Variants in MRPL48 observed in about 807,000 individuals in gnomAD.
The protein encoded by MRPL48 is mitochondrial ribosomal protein L48.
Under a neutral mutation model 32.9 loss-of-function variants are expected in MRPL48, and 16 were observed. The observed-to-expected ratio is 0.49, with a 90% CI of 0.33 to 0.74. MRPL48 has a LOEUF of 0.74. Among genes scored for constraint, MRPL48 ranks in the 30% least tolerant of loss-of-function variants. The pLI is 0.02. For synonymous variants in MRPL48, 94 were observed against 89.2 expected (o/e 1.05, Z -0.31); for missense variants, 206 against 245.3 (o/e 0.84, Z 1.07).
chr11:73,854,347 G>A (rs58695771), intron 5 of MRPL48, among the ~76,000 whole-genome samples: 19,665 of 152,136 alleles, frequency 0.13, 1,705 homozygotes, highest in African/African-American at 0.24. Context: ...GCCGTGGCAC[G>A]ATCTCGGCTC....
chr11:73,858,157 C>T (rs1180292111), intron 5 of MRPL48, among the ~76,000 whole-genome samples: 1 of 152,158 alleles, frequency 6.6e-6, no homozygotes, highest in Non-Finnish European at 1.5e-5. Context: ...ATGATTGTAT[C>T]CCCATTTTTT....
rs1475525862 is a variant in MRPL48 at position 73,841,363 on chromosome 11, C to A, written c.202-3444C>A. Among the ~76,000 whole-genome samples, 5 of 152,290 alleles carry A rather than the reference C, an allele frequency of 3.3e-5. No homozygotes were observed. In the South Asian group the frequency reaches 1.0e-3, roughly 32 times the overall value. ...CTAGAACATTGGTTGCACTACTATT[C>A]ATAACGGCCCCATACTGGAAATAAC... On this transcript the variant is annotated intron_variant, in intron 4 of 7. Transcript: ENST00000310614.
At chr11:73,797,933 T>C (rs1947288298) in intron 1 of MRPL48, among the ~76,000 whole-genome samples, 1 of 152,192 alleles carries the variant, frequency 6.6e-6, no homozygotes, top group African/African-American at 2.4e-5. Flanking sequence ...ATGGAAGTGC[T>C]GATATTCAAA....
intron 3 of MRPL48, among the ~76,000 whole-genome samples, chr11:73,812,916 A>AT (rs1947595063): frequency 6.7e-6 from 1 of 150,164 alleles, no homozygotes; most frequent in Admixed American, 6.7e-5. Flanking sequence ...TGCCTGGCTA[A>AT]TTTTTGTATT....
intron 1 of MRPL48, among the ~76,000 whole-genome samples, chr11:73,790,979 G>A (rs562297887): frequency 2.8e-5 from 4 of 144,170 alleles, no homozygotes; most frequent in Admixed American, 7.3e-5. Context: ...CCGATATCCC[G>A]GGCTCAGGTG....
In MRPL48 at chr11:73,825,758, G is replaced by A. The variant is rs112882847; in HGVS notation, c.163G>A (p.Gly55Ser). The change falls in exon 4 of 8, where the codon GGC becomes AGC. Residue 55 changes from glycine (G) to serine (S), a missense_variant. Coordinates refer to ENST00000310614, the MANE Select transcript of MRPL48 (RefSeq NM_016055.6). ...GCCCTACAAGACAAAGCCCACCCAC[G>A]GCATTGGAAAGTACAAGCACTTAAT... ...SRPYKTKPTH[G>S]IGKYKHLIKA... 3.1e-5 allele frequency: 48 copies of A among 1,569,658 alleles called. No individual in the cohort carries two copies. The highest frequency in any genetic ancestry group is 1.2e-4 in the East Asian group (5 of 42,420).
chr11:73,833,770 G>C (rs2135029133), intron 4 of MRPL48, among the ~76,000 whole-genome samples: 1 of 152,150 alleles, frequency 6.6e-6, no homozygotes, highest in East Asian at 1.9e-4. Context: ...AACCTCTCAG[G>C]CTCAAGTGAT....
chr11:73,831,539 C>A (rs1210521584), intron 4 of MRPL48, among the ~76,000 whole-genome samples: 1 of 152,018 alleles, frequency 6.6e-6, no homozygotes, highest in Non-Finnish European at 1.5e-5. Context: ...TATCTCCAGA[C>A]CTAGCATCCT....
intron 1 of MRPL48, among the ~76,000 whole-genome samples, chr11:73,797,923 A>G (rs1045256363): frequency 1.1e-4 from 16 of 152,152 alleles, no homozygotes; most frequent in African/African-American, 3.6e-4. Flanking sequence ...AGCTAGTAAA[A>G]TGGAAGTGCT....
chr11:73,804,229 T>C (rs959353616), intron 1 of MRPL48, among the ~76,000 whole-genome samples: 1 of 150,498 alleles, frequency 6.6e-6, no homozygotes, highest in Non-Finnish European at 1.5e-5. Flanking sequence ...ATCACTGTTA[T>C]TGAGAGAGAC....
intron 4 of MRPL48, among the ~76,000 whole-genome samples, chr11:73,831,676 C>T (rs1354580334): frequency 2.0e-5 from 3 of 152,054 alleles, no homozygotes; most frequent in East Asian, 1.9e-4. Context: ...CGTGGTGGCT[C>T]ATGCCTATAA....
chr11:73,824,940 G>T (rs1295437958), intron 3 of MRPL48, among the ~76,000 whole-genome samples: 1 of 152,074 alleles, frequency 6.6e-6, no homozygotes, highest in African/African-American at 2.4e-5. Flanking sequence ...AATATCTATG[G>T]CTCCTTAAAC....
intron 3 of MRPL48, 146 bp from the exon 4 acceptor site, chr11:73,825,562 G>C: frequency 1.5e-6 from 1 of 651,838 alleles, no homozygotes; most frequent in Non-Finnish European, 2.6e-6. Context: ...GCAGGAGACT[G>C]TCTTGTACCA....
intron 2 of MRPL48, among the ~76,000 whole-genome samples, chr11:73,805,496 A>G (rs567702901): frequency 6.6e-6 from 1 of 151,464 alleles, no homozygotes; most frequent in African/African-American, 2.4e-5. Context: ...GGGTTTCACC[A>G]TGTTGGCCAG....
intron 5 of MRPL48, among the ~76,000 whole-genome samples, chr11:73,856,153 CCTCTTTGCTGG>C (rs1435129911): frequency 6.6e-6 from 1 of 152,128 alleles, no homozygotes; most frequent in Non-Finnish European, 1.5e-5. Flanking sequence ...CTGCTTTTTG[CCTCTTTGCTGG>C]CTCTTTGCTC....
At chr11:73,792,568 A>T (rs529367021) in intron 1 of MRPL48, among the ~76,000 whole-genome samples, 9 of 152,354 alleles carry the variant, frequency 5.9e-5, no homozygotes, top group African/African-American at 2.2e-4. Flanking sequence ...AAATACATTC[A>T]ATAGACAGAA....
Position 73,834,539 on chromosome 11 carries a change from TG to T in MRPL48, c.201+8744del, listed in dbSNP as rs1554970749. 2.7e-5 allele frequency among the ~76,000 whole-genome samples: 4 copies of T among 148,446 alleles called. No homozygotes were observed. The South Asian group carries it at 6.4e-4, about 24-fold the overall frequency. On this transcript the variant is annotated intron_variant, in intron 4 of 7. Transcript: ENST00000310614. ...TTTTGTTTTTGCTGGTTTTTTTTTT[TG>T]TTTTTTTTTTTGAGACGGAGTCTCG...
At chr11:73,814,846 T>C (rs1947633694) in intron 3 of MRPL48, among the ~76,000 whole-genome samples, 1 of 149,424 alleles carries the variant, frequency 6.7e-6, no homozygotes, top group Non-Finnish European at 1.5e-5. Flanking sequence ...GTACAAAAAT[T>C]AGCCAGGCGT....
At chr11:73,804,505 C>T (rs186930520) in intron 1 of MRPL48, among the ~76,000 whole-genome samples, 114 of 151,970 alleles carry the variant, frequency 7.5e-4, no homozygotes, top group Admixed American at 3.1e-3. Flanking sequence ...CTCCTGACCT[C>T]GTGATCTGCC....
Sources: allele counts gnomAD v4.1 joint callset (sites outside exome capture counted in the v4.1 genomes callset), GRCh38; gene constraint gnomAD v4.1.1; transcripts MANE v1.5; gene names NCBI Gene and HGNC (gene_info 2026-07-23, HGNC 2026-07-21).